Variants in ARHGAP19 observed in about 807,000 individuals in gnomAD.
The protein encoded by ARHGAP19 is rho GTPase-activating protein 19.
In ARHGAP19, 48 loss-of-function variants were observed where a neutral mutation model predicts 60.9. The observed-to-expected ratio is 0.79, with a 90% CI of 0.62 to 1.00. ARHGAP19 has a LOEUF of 1.00. ARHGAP19 is among the 50% of genes least tolerant of loss of function. The pLI is 0.00. For synonymous variants in ARHGAP19, 209 were observed against 215.5 expected, an observed-to-expected ratio of 0.97 and a Z score of 0.27; for missense variants, 562 against 597.2, an observed-to-expected ratio of 0.94 and a Z score of 0.61.
At chr10:97,238,804 G>T (rs12245663) in intron 8 of ARHGAP19, among the ~76,000 whole-genome samples, 2 of 152,066 alleles carry the variant, frequency 1.3e-5, no homozygotes, top group African/African-American at 4.8e-5. Flanking sequence ...GTCTACAGTC[G>T]TGTCAGCAAT....
At chr10:97,291,107 T>C (rs1427198454) in intron 1 of ARHGAP19, among the ~76,000 whole-genome samples, 1 of 151,966 alleles carries the variant, frequency 6.6e-6, no homozygotes, top group South Asian at 2.1e-4. Context: ...GGTAAAGAAA[T>C]AGCCAATCAT....
rs796523916 is a variant in ARHGAP19, at chr10:97,239,497, G to A, written c.1186-4182C>T. Among the ~76,000 whole-genome samples, 17 of 56,382 alleles carry A rather than the reference G, an allele frequency of 3.0e-4. 1 individual carries two copies. Among genetic ancestry groups the A allele is most frequent in the African/African-American group, 6.6e-4 (16 of 24,234 alleles). The allele number at this position is 56,382 out of a possible 152,430, so 37.0% of individuals were successfully genotyped here. A position where few individuals can be genotyped will look rare whatever the true frequency, so the allele number is the denominator to read the frequency against. On this transcript the variant is annotated intron_variant, in intron 8 of 11. Transcript: ENST00000358531. ...CAGCCTGATGACAGAGCGAGACTCCGTCTCAAAAAAAAAAAGAAAAATAAG... is the reference window on the plus strand; with the variant it reads ...CAGCCTGATGACAGAGCGAGACTCCATCTCAAAAAAAAAAAGAAAAATAAG...
intron 6 of ARHGAP19, among the ~76,000 whole-genome samples, chr10:97,254,493 G>A (rs1181531384): frequency 6.6e-6 from 1 of 152,178 alleles, no homozygotes; most frequent in Non-Finnish European, 1.5e-5. Context: ...GCAAAAGAAT[G>A]AGGTTGGACC....
intron 6 of ARHGAP19, among the ~76,000 whole-genome samples, chr10:97,254,583 T>C (rs149643392): frequency 1.3e-5 from 2 of 152,140 alleles, no homozygotes; most frequent in African/African-American, 4.8e-5. Flanking sequence ...TAAAAACTTT[T>C]AGAAGAAAAC....
At chr10:97,280,211 AC>A (rs1843065876) in intron 1 of ARHGAP19, among the ~76,000 whole-genome samples, 1 of 152,070 alleles carries the variant, frequency 6.6e-6, no homozygotes. Flanking sequence ...GTTCAAGACC[AC>A]CCTAGCCAAC....
rs2253301 is a variant in ARHGAP19, at chr10:97,259,420, A to G, written c.822T>C (p.His274=). ...CACTCACATTTTTTGGCCACAGGAC[A>G]TGGGGTGCAAACATAAGGGCAAGGT... is the stretch of plus-strand genomic sequence containing the variant. ...AYNLALMFAP[H]VLWPKNVTAN... Residue 274 remains histidine (H), a synonymous_variant, in exon 5 of 12, where the codon CAT becomes CAC. Transcript: ENST00000358531. 1,531,041 of 1,613,922 alleles carry G rather than the reference A, an allele frequency of 0.95. 729,077 individuals are homozygous for G. The highest frequency in any genetic ancestry group is 0.97 in the Non-Finnish European group (1,150,350 of 1,179,954).
At chr10:97,236,803 G>GAAAAAAAAAA (rs71007323) in intron 8 of ARHGAP19, among the ~76,000 whole-genome samples, 3 of 80,030 alleles carry the variant, frequency 3.7e-5, no homozygotes, top group Non-Finnish European at 4.6e-5. Context: ...AACAGACTCA[G>GAAAAAAAAAA]AAAAAAAAAA....
Position 97,263,463 on chromosome 10 carries a change from A to G in ARHGAP19, c.570T>C (p.Pro190=), listed in dbSNP as rs765230237. ...LKMFLGELPE[P]LLTHKHFNAH... Reference sequence around the variant, plus strand: ...CATTGAAGTGTTTATGTGTCAGCAGAGGCTCCGGCAACTCTCCTAGAAACA... The same window carrying G: ...CATTGAAGTGTTTATGTGTCAGCAGGGGCTCCGGCAACTCTCCTAGAAACA... The change falls in exon 4 of 12, where the codon CCT becomes CCC. Residue 190 remains proline, a synonymous_variant. Transcript: ENST00000358531. 256 of 1,614,062 alleles carry G rather than the reference A, an allele frequency of 1.6e-4. 1 individual carries two copies. Among genetic ancestry groups the G allele is most frequent in the Non-Finnish European group, 2.1e-4 (248 of 1,180,050 alleles).
At chr10:97,228,258 A>G (rs1343423577) in intron 11 of ARHGAP19, among the ~76,000 whole-genome samples, 1 of 152,248 alleles carries the variant, frequency 6.6e-6, no homozygotes. Context: ...TTATGCTCAT[A>G]TCCCAGTGAT....
intron 8 of ARHGAP19, 41 bp downstream of exon 8, chr10:97,243,927 C>T (rs1441221738): frequency 1.3e-6 from 2 of 1,501,298 alleles, no homozygotes; most frequent in Non-Finnish European, 9.0e-7. Context: ...ACCACGATTA[C>T]ACTCCTAAAG....
chr10:97,232,634 C>G (rs1016293217), intron 9 of ARHGAP19, among the ~76,000 whole-genome samples: 6 of 152,068 alleles, frequency 3.9e-5, no homozygotes, highest in African/African-American at 1.4e-4. Flanking sequence ...TCAAGTAAGC[C>G]TAATGTCCTA....
At chr10:97,233,177 C>T (rs1851057823) in intron 9 of ARHGAP19, among the ~76,000 whole-genome samples, 1 of 151,748 alleles carries the variant, frequency 6.6e-6, no homozygotes, top group Non-Finnish European at 1.5e-5. Flanking sequence ...ACAGCAAGAC[C>T]CCATCTCTAC....
intron 6 of ARHGAP19, among the ~76,000 whole-genome samples, chr10:97,246,998 G>A (rs938219100): frequency 3.3e-5 from 5 of 152,104 alleles, no homozygotes; most frequent in Non-Finnish European, 7.4e-5. Flanking sequence ...TTAGCCGGGT[G>A]TGGTGGCGTA....
intron 4 of ARHGAP19, among the ~76,000 whole-genome samples, chr10:97,261,580 G>A (rs931912805): frequency 1.3e-5 from 2 of 151,642 alleles, no homozygotes; most frequent in African/African-American, 4.8e-5. Flanking sequence ...CTGTAAAATT[G>A]TATAACATTC....
chr10:97,260,924 T>C (rs1358089716), intron 4 of ARHGAP19, among the ~76,000 whole-genome samples: 2 of 133,600 alleles, frequency 1.5e-5, no homozygotes, highest in Admixed American at 8.1e-5. Context: ...TGAAACCCCA[T>C]CTCTATATTT....
At chr10:97,252,560 C>T (rs1421919010) in intron 6 of ARHGAP19, among the ~76,000 whole-genome samples, 1 of 150,812 alleles carries the variant, frequency 6.6e-6, no homozygotes, top group Non-Finnish European at 1.5e-5. Flanking sequence ...GGAGGCAGAG[C>T]TTGCAGTGAG....
At chr10:97,245,517 G>A (rs895574987) in intron 7 of ARHGAP19, among the ~76,000 whole-genome samples, 2 of 149,774 alleles carry the variant, frequency 1.3e-5, no homozygotes, top group East Asian at 4.0e-4. Flanking sequence ...AGCTACTCAG[G>A]AGGCTGAGGT....
chr10:97,240,438 G>A (rs1160057480), intron 8 of ARHGAP19, among the ~76,000 whole-genome samples: 1 of 152,226 alleles, frequency 6.6e-6, no homozygotes, highest in Admixed American at 6.5e-5. Context: ...GATCACCTGA[G>A]GCGAGGAGTT....
chr10:97,249,240 T>A (rs573137977), intron 6 of ARHGAP19, among the ~76,000 whole-genome samples: 33 of 152,292 alleles, frequency 2.2e-4, no homozygotes, highest in African/African-American at 7.9e-4. Context: ...TATCAACGGA[T>A]GCTAAAACCA....
Sources: allele counts gnomAD v4.1 joint callset (sites outside exome capture counted in the v4.1 genomes callset), GRCh38; gene constraint gnomAD v4.1.1; transcripts MANE v1.5; gene names NCBI Gene and HGNC (gene_info 2026-07-23, HGNC 2026-07-21).